LDHB: variants seen among roughly 807,000 people sequenced by gnomAD.
LDHB encodes the protein L-lactate dehydrogenase B chain.
A neutral mutation model predicts 33.4 loss-of-function variants in LDHB; 18 were observed. The ratio of observed to expected loss-of-function variants is 0.54; its 90% confidence interval spans 0.37 to 0.80. The LOEUF (loss-of-function observed/expected upper bound fraction) is 0.80. Ranked by LOEUF, LDHB falls within the 30% of genes least tolerant of loss-of-function variation. LDHB has a pLI of 0.00. For synonymous variants in LDHB, 121 were observed against 140.6 expected (o/e 0.86, Z 0.98); for missense variants, 345 against 407.9 (o/e 0.85, Z 1.33).
At chr12:21,654,951 T>C (rs1433707893) in intron 1 of LDHB, among the ~76,000 whole-genome samples, 1 of 151,734 alleles carries the variant, frequency 6.6e-6, no homozygotes, top group Non-Finnish European at 1.5e-5. Flanking sequence ...TGAAACCCCG[T>C]CTCTACTAAA....
rs567220920 is a variant in LDHB at position 21,653,326 on chromosome 12, T to A, written c.129+1217A>T. Among the ~76,000 whole-genome samples the A allele has an allele frequency of 2.1e-4, 32 of 151,638 alleles. No homozygotes were observed. In the East Asian group the frequency reaches 5.0e-3, roughly 24 times the overall value. On this transcript the variant is annotated intron_variant, in intron 2 of 7. Transcript: ENST00000350669. ...TAGGAAACGTACTCTAAAACAGGGGTCCCCAACACCCAGGTCACGAGCCAG... is the reference window on the plus strand; with the variant it reads ...TAGGAAACGTACTCTAAAACAGGGGACCCCAACACCCAGGTCACGAGCCAG...
intron 1 of LDHB, 178 bp downstream of exon 1, chr12:21,657,573 C>G (rs187457): frequency 0.93 from 141,658 of 152,698 alleles, 66,642 homozygotes; most frequent in East Asian, 1. Context: ...CACGGCCCCC[C>G]CTGCGCCCCA....
intron 4 of LDHB, chr12:21,643,698 C>T: frequency 3.9e-6 from 2 of 512,832 alleles, no homozygotes. Flanking sequence ...ATAACCAAGC[C>T]AGATGAAGCA....
chr12:21,646,052 T>A (rs1208613043), intron 3 of LDHB, among the ~76,000 whole-genome samples: 1 of 152,074 alleles, frequency 6.6e-6, no homozygotes, highest in African/African-American at 2.4e-5. Context: ...TGGGAGAGGG[T>A]TAATGTAAGT....
intron 5 of LDHB, 197 bp from the exon 6 acceptor site, chr12:21,638,667 C>T: frequency 1.8e-6 from 1 of 560,788 alleles, no homozygotes; most frequent in East Asian, 3.0e-5. Context: ...AGCAACATGT[C>T]TGACCTTTTA....
At chr12:21,636,139 A>T (rs929477247) in intron 7 of LDHB, among the ~76,000 whole-genome samples, 1 of 152,118 alleles carries the variant, frequency 6.6e-6, no homozygotes, top group African/African-American at 2.4e-5. Flanking sequence ...CTCTATTTAA[A>T]TACACTTTAA....
At chr12:21,648,038 GA>G (rs10716782) in intron 2 of LDHB, among the ~76,000 whole-genome samples, 143,433 of 151,506 alleles carry the variant, frequency 0.95, 68,333 homozygotes, top group East Asian at 1. Context: ...TGAAAGAAAG[GA>G]AAAAAAAAAG....
At chr12:21,640,092 TATC>T (rs1246806908) in intron 5 of LDHB, among the ~76,000 whole-genome samples, 3 of 151,514 alleles carry the variant, frequency 2.0e-5, no homozygotes, top group African/African-American at 4.8e-5. Flanking sequence ...AAATATTATT[TATC>T]ATCATTATTA....
chr12:21,637,953 T>C (rs1012059244), intron 6 of LDHB, among the ~76,000 whole-genome samples: 1 of 151,988 alleles, frequency 6.6e-6, no homozygotes, highest in South Asian at 2.1e-4. Context: ...GAGACATCAG[T>C]TAGTCCTGTT....
chr12:21,653,810 T>C (rs538353737), intron 2 of LDHB, among the ~76,000 whole-genome samples: 1 of 152,244 alleles, frequency 6.6e-6, no homozygotes, highest in South Asian at 2.1e-4. Flanking sequence ...AACCATTAGG[T>C]AAAAGTTTCA....
At chr12:21,643,836 TA>T in intron 4 of LDHB, 98 bp downstream of exon 4, 4 of 947,368 alleles carry the variant, frequency 4.2e-6, no homozygotes, top group South Asian at 3.9e-5. Flanking sequence ...ACTGCTTCTG[TA>T]AATGAATACT....
At chr12:21,648,721 G>A (rs990842972) in intron 2 of LDHB, among the ~76,000 whole-genome samples, 1 of 152,160 alleles carries the variant, frequency 6.6e-6, no homozygotes, top group African/African-American at 2.4e-5. Flanking sequence ...CTCCTCCCTG[G>A]AATACAATGA....
At chr12:21,644,416 G>T in intron 3 of LDHB, among the ~76,000 whole-genome samples, 1 of 3,000 alleles carries the variant, frequency 3.3e-4, no homozygotes, top group South Asian at 0.015. Context: ...ACTCCAATAG[G>T]TAGACATCAA....
rs749346472 is a variant in LDHB, at chr12:21,637,062, T to C, written c.837+9A>G. On this transcript the variant is annotated intron_variant, in intron 7 of 7. Coordinates refer to ENST00000350669, the MANE Select transcript of LDHB (RefSeq NM_002300.8). The stretch of plus-strand genomic sequence containing the variant: ...AAATCATATTACATTTTGTGGTAGT[T>C]TGTCTTACCTTTACCATTGTTGACA... The C allele has an allele frequency of 1.9e-6, 3 of 1,598,736 alleles. No homozygotes were observed. The highest frequency in any genetic ancestry group is 2.2e-5 in the South Asian group (2 of 90,748).
intron 1 of LDHB, chr12:21,657,223 A>T (rs1361977815): frequency 6.6e-6 from 1 of 152,210 alleles, no homozygotes; most frequent in Non-Finnish European, 1.5e-5. Context: ...TCCTGGAAAG[A>T]CCGTCAGAGC....
At position 21,656,267 on chromosome 12, in the gene LDHB, T is replaced by A. The variant is rs569296962; in HGVS notation, c.-7+1484A>T. The stretch of plus-strand genomic sequence containing the variant: ...TTTCCTCCCATCTGTAAGGATAAAT[T>A]AAAAGGAGATTCTTTCGCCTTTACA... On this transcript the variant is annotated intron_variant, in intron 1 of 7. Coordinates refer to ENST00000350669, the MANE Select transcript of LDHB (RefSeq NM_002300.8). Among the ~76,000 whole-genome samples, 58 of 152,342 alleles carry A rather than the reference T, an allele frequency of 3.8e-4. 1 individual carries two copies. Among genetic ancestry groups the A allele is most frequent in the African/African-American group, 1.3e-3 (56 of 41,586 alleles).
At chr12:21,644,446 C>CAAAAAAAAAAAAAAAAAAAAA (rs374761135) in intron 3 of LDHB, among the ~76,000 whole-genome samples, 1 of 108,838 alleles carries the variant, frequency 9.2e-6, no homozygotes, top group Non-Finnish European at 1.9e-5. Flanking sequence ...AAAAAAAAAA[C>CAAAAAAAAAAAAAAAAAAAAA]AAAAACAAAA....
intron 2 of LDHB, among the ~76,000 whole-genome samples, chr12:21,650,151 C>CACACACACACATATAT (rs142403823): frequency 1.8e-4 from 6 of 32,736 alleles, no homozygotes; most frequent in African/African-American, 4.3e-4. Context: ...CACACACACA[C>CACACACACACATATAT]GTCTCTCTCT....
intron 3 of LDHB, among the ~76,000 whole-genome samples, chr12:21,645,878 C>T (rs111882004): frequency 0.018 from 2,740 of 152,240 alleles, 79 homozygotes; most frequent in African/African-American, 0.062. Context: ...TCCAGTCTCT[C>T]GTTCCACCCG....
Sources: allele counts gnomAD v4.1 joint callset (sites outside exome capture counted in the v4.1 genomes callset), GRCh38; gene constraint gnomAD v4.1.1; transcripts MANE v1.5; gene names NCBI Gene and HGNC (gene_info 2026-07-23, HGNC 2026-07-21).